LYST: variants seen among roughly 807,000 people sequenced by gnomAD.
LYST encodes lysosomal-trafficking regulator.
In LYST, 192 loss-of-function variants were observed where a neutral mutation model predicts 413.6. The ratio of observed to expected loss-of-function variants is 0.46; its 90% CI spans 0.41 to 0.52. LYST has a LOEUF of 0.52. Among genes scored for constraint, LYST ranks in the 20% least tolerant of loss-of-function variants. The pLI is 0.00. For synonymous variants in LYST, 1,525 were observed against 1,567.3 expected, an observed-to-expected ratio of 0.97 and a Z score of 0.64; for missense variants, 3,815 against 4,499.9, an observed-to-expected ratio of 0.85 and a Z score of 4.35.
chr1:235,793,596 C>T lies in LYST; in HGVS notation c.4023G>A (p.Leu1341=). The stretch of plus-strand genomic sequence containing the variant: ...TCATCAAAGATACCAAAAGATCCAC[C>T]AATACTCTCTGGCATGCTAAATTAA... ...DSDFQACQRV[L]VDLLVSLMSS... is the part of the protein sequence containing the mutation. The change falls in exon 11 of 53, where the codon TTG becomes TTA. Residue 1341 remains leucine (L), a synonymous_variant. Coordinates refer to ENST00000389793, the MANE Select transcript of LYST (RefSeq NM_000081.4). 6.3e-7 allele frequency: 1 copy of T among 1,585,478 alleles called. No homozygotes were observed. The highest frequency in any genetic ancestry group is 8.7e-7 in the Non-Finnish European group (1 of 1,155,458).
In LYST at chr1:235,777,178, C is replaced by G. The variant is rs761246263; in HGVS notation, c.5345G>C (p.Ser1782Thr). 6.2e-7 allele frequency: 1 copy of G among 1,613,730 alleles called. No homozygotes were observed. Among genetic ancestry groups the G allele is most frequent in the Non-Finnish European group, 8.5e-7 (1 of 1,179,814 alleles). ...TAGATGATGAGGTTCTAATAAGATG[C>G]TCTGAACTTCTTTTGAGCTGAAGGG... ...QRPFSSKEVQSILLEPHHLKN... is the reference protein window; with the variant it reads ...QRPFSSKEVQTILLEPHHLKN... Residue 1782 changes from serine (S) to threonine (T), a missense_variant, in exon 17 of 53, where the codon AGC (serine) becomes ACC (threonine). By Grantham distance (58) the Ser-to-Thr change is moderately conservative. Transcript: ENST00000389793.
At chr1:235,715,092 G>A in intron 42 of LYST, 109 bp downstream of exon 42, 1 of 1,022,002 alleles carries the variant, frequency 9.8e-7, no homozygotes, top group South Asian at 1.3e-5. Context: ...TTTTCCTGTA[G>A]TTTGATTAGT....
chr1:235,862,848 C>CAT (rs36022107), intron 1 of LYST, among the ~76,000 whole-genome samples: 36,469 of 145,878 alleles, frequency 0.25, 4,961 homozygotes, highest in African/African-American at 0.28. Flanking sequence ...CACACACACA[C>CAT]CCCTTCAAGA....
chr1:235,692,097 C>T (rs1660707423), intron 47 of LYST, among the ~76,000 whole-genome samples: 1 of 150,302 alleles, frequency 6.7e-6, no homozygotes, highest in African/African-American at 2.4e-5. Context: ...CTTTGGGAGG[C>T]TGAGGCGGGA....
At position 235,762,774 on chromosome 1, in the gene LYST, TCATAAGGGA is replaced by T; in HGVS notation, c.6190_6198del (p.Leu2065_Ser2067del). ...GGGCTTATTACCATAAATCCAGGGC[TCATAAGGGA>T]CCTTCCTCCACTGCTGGAATGCCTC... On this transcript the variant is annotated inframe_deletion, in exon 22 of 53. Transcript: ENST00000389793. 6.2e-7 allele frequency: 1 copy of T among 1,613,218 alleles called. No homozygotes were observed.
intron 1 of LYST, among the ~76,000 whole-genome samples, chr1:235,851,810 T>G (rs948951065): frequency 1.3e-5 from 2 of 152,098 alleles, no homozygotes; most frequent in Non-Finnish European, 2.9e-5. Flanking sequence ...GAATTTAAAA[T>G]GCAGATCAGG....
chr1:235,681,156 T>C (rs1435739145), intron 48 of LYST, among the ~76,000 whole-genome samples: 1 of 152,026 alleles, frequency 6.6e-6, no homozygotes, highest in Non-Finnish European at 1.5e-5. Context: ...AAAGGAGGAT[T>C]CCCTGGAAGA....
chr1:235,820,131 T>C (rs559301784), intron 3 of LYST, among the ~76,000 whole-genome samples: 2 of 152,334 alleles, frequency 1.3e-5, no homozygotes, highest in South Asian at 2.1e-4. Flanking sequence ...TTGTTTAGAC[T>C]GGGTTTTAAA....
chr1:235,702,623 GT>G, intron 45 of LYST, 123 bp downstream of exon 45: 1 of 810,564 alleles, frequency 1.2e-6, no homozygotes, highest in Admixed American at 1.9e-5. Context: ...TGCTGCACCT[GT>G]CTTGCACTGA....
intron 24 of LYST, among the ~76,000 whole-genome samples, chr1:235,756,187 C>A (rs917808678): frequency 3.9e-5 from 6 of 152,136 alleles, no homozygotes; most frequent in African/African-American, 1.4e-4. Flanking sequence ...CCAAATTAAT[C>A]CTTCCACCTC....
rs1672781376 is a variant in LYST, at chr1:235,805,903, A to T, written c.3233T>A (p.Val1078Asp). ...CTCGGGAGCGGCTTCAGTAGCTGAA[A>T]CTTCTTCCACATTTATGGAAGAAAT... ...QHISSINVEE[V>D]SATEAAPEEA... is the part of the protein sequence containing the mutation. Residue 1078 changes from valine to aspartate, a missense_variant, in exon 6 of 53, where the codon GTT (valine) becomes GAT (aspartate). This residue lies in a region of LYST where 1,648 missense variants were observed against 1,810.3 expected (regional missense o/e 0.91). Transcript: ENST00000389793. 1 of 1,613,704 alleles carries T rather than the reference A, an allele frequency of 6.2e-7. No homozygotes were observed. Among genetic ancestry groups the T allele is most frequent in the African/African-American group, 1.3e-5 (1 of 74,858 alleles).
At chr1:235,729,413 A>G (rs905718530) in intron 37 of LYST, among the ~76,000 whole-genome samples, 183 bp downstream of exon 37, 8 of 152,242 alleles carry the variant, frequency 5.3e-5, no homozygotes, top group African/African-American at 1.9e-4. Flanking sequence ...AGAACACAAG[A>G]TATCATTTCT....
chr1:235,697,319 G>A (rs533737033), intron 45 of LYST, 47 bp from the exon 46 acceptor site: 1 of 1,385,910 alleles, frequency 7.2e-7, no homozygotes, highest in African/African-American at 1.4e-5. Flanking sequence ...AAGGTGGTAA[G>A]TGTAGAATTA....
chr1:235,758,752 T>C (rs1667280653), intron 23 of LYST, among the ~76,000 whole-genome samples: 1 of 152,236 alleles, frequency 6.6e-6, no homozygotes, highest in African/African-American at 2.4e-5. Flanking sequence ...TAAGTGCTAC[T>C]TATGGTTTAG....
At chr1:235,693,290 G>T in intron 47 of LYST, 60 bp downstream of exon 47, 1 of 1,281,420 alleles carries the variant, frequency 7.8e-7, no homozygotes, top group Non-Finnish European at 1.1e-6. Flanking sequence ...GCTCCAGCTT[G>T]GGCGGCAGAG....
At chr1:235,718,676 A>C (rs759481531) in intron 40 of LYST, among the ~76,000 whole-genome samples, 26 of 152,220 alleles carry the variant, frequency 1.7e-4, no homozygotes, top group Non-Finnish European at 3.8e-4. Context: ...TAAACTAAAC[A>C]TCAGAATATT....
chr1:235,792,881 C>T (rs1036375174), intron 11 of LYST, among the ~76,000 whole-genome samples: 1 of 151,958 alleles, frequency 6.6e-6, no homozygotes, highest in Non-Finnish European at 1.5e-5. Context: ...TCAGGCTGGT[C>T]TCGAACACCT....
In LYST at chr1:235,756,807, A is replaced by C. The variant is rs12070142; in HGVS notation, c.7059+474T>G. On this transcript the variant is annotated intron_variant, in intron 24 of 52. Transcript: ENST00000389793. ...TATGATAGAATAAATAATAAGTAAGATTAGAGGGAAGTTATTTTGATAAGA... is the reference window on the plus strand; with the variant it reads ...TATGATAGAATAAATAATAAGTAAGCTTAGAGGGAAGTTATTTTGATAAGA... Among the ~76,000 whole-genome samples the C allele has an allele frequency of 7.7e-3, 1,166 of 152,280 alleles. 14 individuals carry two copies. The highest frequency in any genetic ancestry group is 0.027 in the African/African-American group (1,108 of 41,558).
At chr1:235,665,930 C>T (rs12144000) in intron 50 of LYST, among the ~76,000 whole-genome samples, 3,735 of 151,994 alleles carry the variant, frequency 0.025, 150 homozygotes, top group African/African-American at 0.085. Flanking sequence ...ACTGATAAAG[C>T]GGTTAGGAGG....
Sources: allele counts gnomAD v4.1 joint callset (sites outside exome capture counted in the v4.1 genomes callset), GRCh38; gene constraint gnomAD v4.1.1; regional missense constraint gnomAD v4.1.1; transcripts MANE v1.5; gene names NCBI Gene and HGNC (gene_info 2026-07-23, HGNC 2026-07-21).